Variants in ACTR3C observed in about 807,000 individuals in gnomAD.
The protein encoded by ACTR3C is actin-related protein 3C.
Under a neutral mutation model 26.3 loss-of-function variants are expected in ACTR3C, and 18 were observed. The observed-to-expected ratio is 0.68, with a 90% confidence interval of 0.47 to 1.01. The LOEUF (loss-of-function observed/expected upper bound fraction) is 1.01. ACTR3C is among the 50% of genes least tolerant of loss of function. The pLI is 0.00. For synonymous variants in ACTR3C, 55 were observed against 94.5 expected, an observed-to-expected ratio of 0.58 and a Z score of 2.42; for missense variants, 184 against 250.7, an observed-to-expected ratio of 0.73 and a Z score of 1.80.
chr7:150,309,998 T>C (rs1796162004), intron 1 of ACTR3C, among the ~76,000 whole-genome samples: 1 of 152,160 alleles, frequency 6.6e-6, no homozygotes, highest in Non-Finnish European at 1.5e-5. Flanking sequence ...CTGTTGTGGG[T>C]ATTGACGGCC....
At chr7:150,297,998 A>G (rs2129613859) in intron 1 of ACTR3C, among the ~76,000 whole-genome samples, 1 of 151,686 alleles carries the variant, frequency 6.6e-6, no homozygotes, top group African/African-American at 2.4e-5. Context: ...TGCCTCTTAC[A>G]GTGAAATCAA....
At chr7:150,163,144 A>T in the ACTR3C span, among the ~76,000 whole-genome samples, 1 of 150,214 alleles carries the variant, frequency 6.7e-6, no homozygotes, top group Non-Finnish European at 1.5e-5. Context: ...ACAGAGTGAG[A>T]CTCAGTCTCA....
the ACTR3C span, among the ~76,000 whole-genome samples, chr7:150,048,860 C>T: frequency 9.7e-3 from 1,476 of 152,198 alleles, 22 homozygotes; most frequent in African/African-American, 0.034. Flanking sequence ...CCCTTCGCCT[C>T]TCTCCGGAGG....
the ACTR3C span, among the ~76,000 whole-genome samples, chr7:150,035,978 CA>C: frequency 1.5e-5 from 2 of 129,686 alleles, no homozygotes; most frequent in African/African-American, 3.3e-5. Flanking sequence ...GACTGGCTCT[CA>C]GTCCCTGCCT....
chr7:150,056,579 A>G, the ACTR3C span, among the ~76,000 whole-genome samples: 1 of 152,224 alleles, frequency 6.6e-6, no homozygotes, highest in Non-Finnish European at 1.5e-5. Flanking sequence ...CCCATTGGCT[A>G]AATAAATCCA....
chr7:150,265,308 A>G (rs951499379), intron 6 of ACTR3C, among the ~76,000 whole-genome samples: 6 of 151,880 alleles, frequency 4.0e-5, no homozygotes, highest in African/African-American at 1.5e-4. Context: ...CTAATTTAAT[A>G]CATTTAAATT....
chr7:150,106,695 T>G, the ACTR3C span, among the ~76,000 whole-genome samples: 1 of 132,290 alleles, frequency 7.6e-6, no homozygotes, highest in Admixed American at 7.2e-5. Context: ...ACCCAATAGC[T>G]TCTTCATAAC....
At chr7:149,945,712 C>A in the ACTR3C span, among the ~76,000 whole-genome samples, 1 of 152,132 alleles carries the variant, frequency 6.6e-6, no homozygotes, top group African/African-American at 2.4e-5. Context: ...GCAGGTGGGA[C>A]ACATGTTGGC....
the ACTR3C span, among the ~76,000 whole-genome samples, chr7:150,107,901 T>A: frequency 1.3e-5 from 2 of 151,970 alleles, no homozygotes; most frequent in South Asian, 2.1e-4. Flanking sequence ...CGTTTAGAGC[T>A]TTTTTGGAGG....
At chr7:149,925,296 T>G in the ACTR3C span, among the ~76,000 whole-genome samples, 2 of 152,234 alleles carry the variant, frequency 1.3e-5, no homozygotes, top group Non-Finnish European at 2.9e-5. Context: ...ATTAAATTAA[T>G]TTTTAAGTTT....
the ACTR3C span, among the ~76,000 whole-genome samples, chr7:150,091,757 C>A: frequency 1.4e-5 from 2 of 146,262 alleles, no homozygotes; most frequent in Non-Finnish European, 1.5e-5. Flanking sequence ...CCGAGGCGGG[C>A]GGATCACGAG....
the ACTR3C span, among the ~76,000 whole-genome samples, chr7:150,089,422 T>C: frequency 2.5e-4 from 38 of 152,174 alleles, no homozygotes; most frequent in Non-Finnish European, 4.9e-4. Context: ...TGTCCCAACA[T>C]TACTCTCCAT....
the ACTR3C span, chr7:150,001,581 TAAG>T: frequency 6.6e-6 from 1 of 152,164 alleles, no homozygotes; most frequent in African/African-American, 2.4e-5. Context: ...ACGTGTGATT[TAAG>T]CCAGGCCTCA....
chr7:150,313,800 C>A (rs1187081659), intron 1 of ACTR3C, among the ~76,000 whole-genome samples: 2 of 152,154 alleles, frequency 1.3e-5, no homozygotes, highest in Non-Finnish European at 2.9e-5. Flanking sequence ...GGTACTTTGA[C>A]AGACACTGGA....
chr7:149,888,409 ATGAGCCAC>A, the ACTR3C span, among the ~76,000 whole-genome samples: 4 of 152,252 alleles, frequency 2.6e-5, no homozygotes, highest in South Asian at 8.3e-4. Flanking sequence ...ACCTTGTGGC[ATGAGCCAC>A]AGCACCTGGA....
At chr7:149,891,206 G>C in the ACTR3C span, 1 of 1,042,652 alleles carries the variant, frequency 9.6e-7, no homozygotes, top group South Asian at 1.6e-5. Flanking sequence ...AAAAATAATG[G>C]TCCTCAGGTT....
intron 6 of ACTR3C, among the ~76,000 whole-genome samples, chr7:150,258,465 A>G (rs941163154): frequency 6.6e-6 from 1 of 151,778 alleles, no homozygotes; most frequent in Non-Finnish European, 1.5e-5. Flanking sequence ...GGGCTATGAG[A>G]GTTAGGCCAA....
At chr7:150,134,551 TAGTC>T in the ACTR3C span, among the ~76,000 whole-genome samples, 1 of 152,198 alleles carries the variant, frequency 6.6e-6, no homozygotes, top group Non-Finnish European at 1.5e-5. Flanking sequence ...ATTGCTGACT[TAGTC>T]AGATATAGTT....
the ACTR3C span, among the ~76,000 whole-genome samples, chr7:149,904,077 A>G: frequency 1.5e-5 from 2 of 130,314 alleles, no homozygotes; most frequent in African/African-American, 2.5e-5. Flanking sequence ...GAGCCACCAC[A>G]TCCGGCTAAT....
Sources: allele counts gnomAD v4.1 joint callset (sites outside exome capture counted in the v4.1 genomes callset), GRCh38; gene constraint gnomAD v4.1.1; transcripts MANE v1.5; gene names NCBI Gene and HGNC (gene_info 2026-07-23, HGNC 2026-07-21).